STON1: variants seen among roughly 807,000 people sequenced by gnomAD.
STON1 encodes stonin-1.
Under a neutral mutation model 60.9 loss-of-function variants are expected in STON1, and 79 were observed. That is an observed-to-expected ratio of 1.30 (90% CI 1.08 to 1.56). The LOEUF is 1.56. STON1 is among the 40% of genes most tolerant of loss of function. The pLI is 0.00. For synonymous variants in STON1, 363 were observed against 306.9 expected, an observed-to-expected ratio of 1.18 and a Z score of -1.91; for missense variants, 1,166 against 858.9, an observed-to-expected ratio of 1.36 and a Z score of -4.47.
rs1303926077 is a variant in STON1 at position 48,597,333 on chromosome 2, T to G, written c.*2031T>G. The stretch of plus-strand genomic sequence containing the variant: ...GACTTCAGTCTGCTCAGAACGAATG[T>G]GGAGGCCGGCCGAAACTGATGCTGC... On this transcript the variant is annotated 3_prime_UTR_variant, in exon 4 of 4. Transcript: ENST00000404752. 1 of 152,196 alleles carries G rather than the reference T, an allele frequency of 6.6e-6. No homozygotes were observed. The highest frequency in any genetic ancestry group is 1.5e-5 in the Non-Finnish European group (1 of 68,048). 9.4% of individuals were successfully genotyped at this position (152,196 alleles called of 1,614,324 possible). A position where few individuals can be genotyped will look rare whatever the true frequency, so the allele number is the denominator to read the frequency against.
At chr2:48,564,217 A>C (rs1672729092) in intron 1 of STON1, among the ~76,000 whole-genome samples, 1 of 152,188 alleles carries the variant, frequency 6.6e-6, no homozygotes, top group South Asian at 2.1e-4. Context: ...AGCTACTATC[A>C]CAAAATACCA....
chr2:48,544,158 C>T (rs1671767910), intron 1 of STON1, among the ~76,000 whole-genome samples: 1 of 151,652 alleles, frequency 6.6e-6, no homozygotes, highest in Admixed American at 6.6e-5. Context: ...ATAGCTATGA[C>T]TATTCTTTTT....
chr2:48,543,605 C>T (rs1454370580), intron 1 of STON1, among the ~76,000 whole-genome samples: 1 of 143,818 alleles, frequency 7.0e-6, no homozygotes. Flanking sequence ...GATCTCGGCT[C>T]ACTGCAACCT....
intron 1 of STON1, among the ~76,000 whole-genome samples, chr2:48,571,401 GC>G (rs1245228591): frequency 6.6e-6 from 1 of 152,210 alleles, no homozygotes; most frequent in African/African-American, 2.4e-5. Context: ...GTGCCCAGAA[GC>G]TGTGGTCTGC....
At chr2:48,575,443 C>G (rs935544136) in intron 1 of STON1, among the ~76,000 whole-genome samples, 1 of 151,946 alleles carries the variant, frequency 6.6e-6, no homozygotes, top group African/African-American at 2.4e-5. Flanking sequence ...CACCTGAGGT[C>G]GGGAGTTCGA....
At chr2:48,557,373 G>A (rs1175438555) in intron 1 of STON1, among the ~76,000 whole-genome samples, 2 of 103,616 alleles carry the variant, frequency 1.9e-5, no homozygotes, top group African/African-American at 3.4e-5. Flanking sequence ...CATCTCAGAC[G>A]ATGGGCGGCC....
chr2:48,552,429 T>C (rs1672142658), intron 1 of STON1, among the ~76,000 whole-genome samples: 1 of 152,106 alleles, frequency 6.6e-6, no homozygotes, highest in Admixed American at 6.5e-5. Context: ...ATAGTGGTGA[T>C]GGTTACACAA....
At chr2:48,564,296 G>A (rs1245631301) in intron 1 of STON1, among the ~76,000 whole-genome samples, 1 of 151,868 alleles carries the variant, frequency 6.6e-6, no homozygotes, top group African/African-American at 2.4e-5. Context: ...TCTAAGATCA[G>A]GGTACTAGCA....
chr2:48,558,916 T>G (rs1672497383), intron 1 of STON1, among the ~76,000 whole-genome samples: 1 of 152,190 alleles, frequency 6.6e-6, no homozygotes, highest in African/African-American at 2.4e-5. Flanking sequence ...CTATACAGGT[T>G]GAGTGTCCCT....
chr2:48,562,492 C>A (rs1304277457), intron 1 of STON1, among the ~76,000 whole-genome samples: 1 of 152,190 alleles, frequency 6.6e-6, no homozygotes, highest in African/African-American at 2.4e-5. Flanking sequence ...CAGAATTTTG[C>A]TAACGTTAAT....
intron 1 of STON1, among the ~76,000 whole-genome samples, chr2:48,537,927 C>T (rs987237814): frequency 2.0e-5 from 3 of 150,874 alleles, no homozygotes; most frequent in African/African-American, 7.3e-5. Flanking sequence ...TGTATTGGCC[C>T]TATAAAGTAA....
intron 1 of STON1, among the ~76,000 whole-genome samples, chr2:48,541,018 A>G (rs993535381): frequency 1.3e-5 from 2 of 152,024 alleles, no homozygotes; most frequent in Non-Finnish European, 2.9e-5. Context: ...GAGGTTCTTA[A>G]CTCCTAATTA....
chr2:48,579,047 A>G (rs1673718562), intron 1 of STON1, among the ~76,000 whole-genome samples: 1 of 151,480 alleles, frequency 6.6e-6, no homozygotes, highest in African/African-American at 2.4e-5. Context: ...CTCCTTGCCC[A>G]GGCTGGAGAG....
intron 1 of STON1, among the ~76,000 whole-genome samples, chr2:48,576,388 C>T (rs980990664): frequency 6.6e-6 from 1 of 151,524 alleles, no homozygotes; most frequent in Non-Finnish European, 1.5e-5. Flanking sequence ...TGAGTTTTCA[C>T]CATGTTGGCC....
chr2:48,564,578 TCTCCTCCTCCTCCTCCTCCTCCTC>T (rs773952778), intron 1 of STON1, among the ~76,000 whole-genome samples: 1 of 31,712 alleles, frequency 3.2e-5, no homozygotes, highest in African/African-American at 1.7e-4. Flanking sequence ...TCCTTCTCCT[TCTCCTCCTCCTCCTCCTCCTCCTC>T]CTTCTCCTTC....
chr2:48,551,375 A>G (rs1025494038), intron 1 of STON1, among the ~76,000 whole-genome samples: 3 of 152,208 alleles, frequency 2.0e-5, no homozygotes, highest in Non-Finnish European at 2.9e-5. Flanking sequence ...AATTGAGCTC[A>G]TAGTTCAAGT....
chr2:48,594,881 A>G (rs1674713089), intron 3 of STON1, among the ~76,000 whole-genome samples: 2 of 152,234 alleles, frequency 1.3e-5, no homozygotes, highest in African/African-American at 4.8e-5. Context: ...TGATACAGCC[A>G]TATATTCAGG....
At chr2:48,594,078 C>T (rs1388850937) in intron 3 of STON1, among the ~76,000 whole-genome samples, 1 of 152,182 alleles carries the variant, frequency 6.6e-6, no homozygotes, top group African/African-American at 2.4e-5. Flanking sequence ...TTCATTCTGA[C>T]TACATTGCAT....
At chr2:48,539,107 G>A (rs1671552026) in intron 1 of STON1, among the ~76,000 whole-genome samples, 1 of 151,912 alleles carries the variant, frequency 6.6e-6, no homozygotes, top group Non-Finnish European at 1.5e-5. Flanking sequence ...TTGTAGAGAT[G>A]GGGTCTTGCT....
Sources: allele counts gnomAD v4.1 joint callset (sites outside exome capture counted in the v4.1 genomes callset), GRCh38; gene constraint gnomAD v4.1.1; transcripts MANE v1.5; gene names NCBI Gene and HGNC (gene_info 2026-07-23, HGNC 2026-07-21).